UNC5D: variants seen among roughly 807,000 people sequenced by gnomAD.
UNC5D encodes unc-5 netrin receptor D.
Under a neutral mutation model 105.4 loss-of-function variants are expected in UNC5D, and 39 were observed. The ratio of observed to expected loss-of-function variants is 0.37; its 90% CI spans 0.29 to 0.48. The LOEUF is 0.48. Among genes scored for constraint, UNC5D ranks in the 20% least tolerant of loss-of-function variants. UNC5D has a pLI of 0.98. For missense variants in UNC5D, 991 were observed against 1,202.4 expected (o/e 0.82, Z 2.60); for synonymous variants, 452 against 450.4 (o/e 1.00, Z -0.04).
chr8:35,717,098 AAT>A (rs1280232692), intron 8 of UNC5D, among the ~76,000 whole-genome samples: 1 of 152,180 alleles, frequency 6.6e-6, no homozygotes, highest in Non-Finnish European at 1.5e-5. Context: ...ATTCCTTAGT[AAT>A]TCACTTCCTC....
intron 1 of UNC5D, among the ~76,000 whole-genome samples, chr8:35,237,789 C>T (rs971798632): frequency 6.6e-6 from 1 of 152,214 alleles, no homozygotes; most frequent in East Asian, 1.9e-4. Context: ...GGCCCATTCC[C>T]CTTAGCAACT....
intron 7 of UNC5D, among the ~76,000 whole-genome samples, chr8:35,693,154 G>A (rs1049646115): frequency 6.6e-6 from 1 of 152,076 alleles, no homozygotes; most frequent in Non-Finnish European, 1.5e-5. Context: ...AAATAAAGCA[G>A]ACATAGTGCA....
intron 1 of UNC5D, among the ~76,000 whole-genome samples, chr8:35,348,286 TG>T: frequency 6.6e-6 from 1 of 151,994 alleles, no homozygotes; most frequent in African/African-American, 2.4e-5. Context: ...ATATATGTCA[TG>T]GAATTAACAA....
At chr8:35,501,573 A>T (rs1354640586) in intron 1 of UNC5D, among the ~76,000 whole-genome samples, 1 of 152,244 alleles carries the variant, frequency 6.6e-6, no homozygotes, top group Non-Finnish European at 1.5e-5. Flanking sequence ...CAAGGGCAGA[A>T]GGCAGATGTT....
intron 8 of UNC5D, among the ~76,000 whole-genome samples, chr8:35,711,044 T>C: frequency 7.8e-6 from 1 of 127,548 alleles, no homozygotes; most frequent in East Asian, 2.5e-4. Flanking sequence ...GTTCACGCCA[T>C]TCTCCTGCCT....
intron 2 of UNC5D, among the ~76,000 whole-genome samples, chr8:35,550,953 T>C (rs1816088957): frequency 6.6e-6 from 1 of 152,200 alleles, no homozygotes; most frequent in South Asian, 2.1e-4. Context: ...ATATAAAATT[T>C]ATGTACAAGA....
intron 1 of UNC5D, among the ~76,000 whole-genome samples, chr8:35,475,963 C>G (rs1810063168): frequency 6.6e-6 from 1 of 152,120 alleles, no homozygotes; most frequent in Non-Finnish European, 1.5e-5. Context: ...GGCTCTTGGT[C>G]TGAAATAAAC....
chr8:35,257,551 C>G (rs918200435), intron 1 of UNC5D, among the ~76,000 whole-genome samples: 1 of 152,154 alleles, frequency 6.6e-6, no homozygotes, highest in Non-Finnish European at 1.5e-5. Flanking sequence ...TCCATGGAGT[C>G]AGTGTTATGT....
chr8:35,648,832 G>A (rs967301009), intron 4 of UNC5D, among the ~76,000 whole-genome samples: 1 of 152,112 alleles, frequency 6.6e-6, no homozygotes, highest in Non-Finnish European at 1.5e-5. Flanking sequence ...TTTGATCAAT[G>A]GCATTCATTA....
chr8:35,682,187 A>G (rs1825713888), intron 4 of UNC5D, among the ~76,000 whole-genome samples: 1 of 152,136 alleles, frequency 6.6e-6, no homozygotes, highest in Non-Finnish European at 1.5e-5. Flanking sequence ...CTGGTTTCCA[A>G]TTCCTGACCT....
rs534226704 is a variant in UNC5D at position 35,589,394 on chromosome 8, T to A, written c.467-6160T>A. Among the ~76,000 whole-genome samples, 4 of 151,172 alleles carry A rather than the reference T, an allele frequency of 2.6e-5. No homozygotes were observed. The South Asian group carries it at 8.3e-4, about 32-fold the overall frequency. Reference sequence around the variant, plus strand: ...ATACCACTATGCATCCATTTTTCTGTGGAGCTCTCATCTTTTTTTTTTTTT... The same window carrying A: ...ATACCACTATGCATCCATTTTTCTGAGGAGCTCTCATCTTTTTTTTTTTTT... On this transcript the variant is annotated intron_variant, in intron 3 of 16. Transcript: ENST00000404895.
intron 1 of UNC5D, among the ~76,000 whole-genome samples, chr8:35,249,194 A>G (rs1004073073): frequency 1.0e-4 from 15 of 144,354 alleles, no homozygotes; most frequent in African/African-American, 3.6e-4. Context: ...CCATGTTGGC[A>G]GTAATATGTC....
chr8:35,439,777 T>C (rs1197655370), intron 1 of UNC5D, among the ~76,000 whole-genome samples: 1 of 151,938 alleles, frequency 6.6e-6, no homozygotes, highest in Admixed American at 6.6e-5. Flanking sequence ...TTCCTAAATA[T>C]GGAAAGTCAT....
intron 1 of UNC5D, among the ~76,000 whole-genome samples, chr8:35,422,151 C>T (rs1805953395): frequency 6.6e-6 from 1 of 152,206 alleles, no homozygotes; most frequent in Admixed American, 6.5e-5. Context: ...CTCCGAGCTG[C>T]CACCAGTTGT....
At chr8:35,502,602 A>T (rs1812041149) in intron 1 of UNC5D, among the ~76,000 whole-genome samples, 1 of 152,100 alleles carries the variant, frequency 6.6e-6, no homozygotes, top group South Asian at 2.1e-4. Flanking sequence ...TCTGTTGCCC[A>T]GGCTAGAGTG....
At chr8:35,372,711 CTTTTACCT>C (rs1802494002) in intron 1 of UNC5D, among the ~76,000 whole-genome samples, 3 of 151,998 alleles carry the variant, frequency 2.0e-5, no homozygotes, top group Non-Finnish European at 4.4e-5. Context: ...TGAAGAAATT[CTTTTACCT>C]CAGCCTCCCA....
intron 4 of UNC5D, among the ~76,000 whole-genome samples, chr8:35,610,340 C>G (rs545876428): frequency 6.6e-6 from 1 of 152,138 alleles, no homozygotes; most frequent in East Asian, 1.9e-4. Context: ...AGTCTCTCTG[C>G]CCACTGTGCT....
chr8:35,235,650 T>G lies in UNC5D; in HGVS notation c.-135T>G. 7 of 641,584 alleles carry G rather than the reference T, an allele frequency of 1.1e-5. No individual in the cohort carries two copies. The highest frequency in any genetic ancestry group is 1.3e-5 in the Non-Finnish European group (6 of 452,688). The allele number at this position is 641,584 out of a possible 1,614,324, so 39.7% of individuals were successfully genotyped here. ...GCTCGGAGCTCCCTGCCCCGCTGCT[T>G]TAGGAAGCGATCGTGGAGCAGAGTC... On this transcript the variant is annotated 5_prime_UTR_variant, in exon 1 of 17. Coordinates refer to ENST00000404895, the MANE Select transcript of UNC5D (RefSeq NM_080872.4).
intron 1 of UNC5D, among the ~76,000 whole-genome samples, chr8:35,480,041 A>T (rs1337775317): frequency 2.6e-5 from 4 of 152,204 alleles, no homozygotes; most frequent in Non-Finnish European, 5.9e-5. Context: ...TCCCTAACAG[A>T]TCACTCTGAG....
Sources: gnomAD v4.1 joint callset for allele counts (sites outside exome capture counted in the v4.1 genomes callset) on GRCh38, gnomAD v4.1.1 for gene constraint, MANE v1.5 for transcripts, NCBI Gene and HGNC (gene_info 2026-07-23, HGNC 2026-07-21) for gene names.